Variants in MAP3K5 observed in about 807,000 individuals in gnomAD.
MAP3K5 encodes mitogen-activated protein kinase kinase kinase 5, also known as ASK-1.
Under a neutral mutation model 158.7 loss-of-function variants are expected in MAP3K5, and 56 were observed. That is an observed-to-expected ratio of 0.35 (90% CI 0.28 to 0.44). The LOEUF (loss-of-function observed/expected upper bound fraction) is 0.44, where lower values mean the gene tolerates loss of function less well. Among genes scored for constraint, MAP3K5 ranks in the 20% least tolerant of loss-of-function variants. The probability of loss-of-function intolerance (pLI) is 1.00; values close to 1 mark genes in which losing one functional copy is unlikely to be tolerated. For synonymous variants in MAP3K5, 579 were observed against 601.7 expected (o/e 0.96, Z 0.55); for missense variants, 1,294 against 1,674.8 (o/e 0.77, Z 3.97).
At chr6:136,699,274 T>C (rs1280980108) in intron 3 of MAP3K5, among the ~76,000 whole-genome samples, 1 of 152,194 alleles carries the variant, frequency 6.6e-6, no homozygotes, top group Non-Finnish European at 1.5e-5. Context: ...ATTTGTCCAT[T>C]TCCCTCCATC....
intron 10 of MAP3K5, among the ~76,000 whole-genome samples, chr6:136,655,812 G>A (rs1003470369): frequency 6.6e-6 from 1 of 152,138 alleles, no homozygotes; most frequent in Non-Finnish European, 1.5e-5. Flanking sequence ...GAAACTGCAA[G>A]TCATTTCCCA....
intron 21 of MAP3K5, among the ~76,000 whole-genome samples, chr6:136,599,690 C>T (rs1775792665): frequency 6.6e-6 from 1 of 152,126 alleles, no homozygotes; most frequent in African/African-American, 2.4e-5. Flanking sequence ...ATTCCCAGAA[C>T]CAAATCTGTG....
intron 1 of MAP3K5, among the ~76,000 whole-genome samples, chr6:136,763,822 T>C (rs1783854474): frequency 6.6e-6 from 1 of 152,090 alleles, no homozygotes; most frequent in Non-Finnish European, 1.5e-5. Flanking sequence ...CTCTCATGAA[T>C]GGATTAATCC....
At chr6:136,611,107 CAAAAAAAAAAA>C (rs59508317) in intron 18 of MAP3K5, among the ~76,000 whole-genome samples, 164 bp downstream of exon 18, 1 of 24,434 alleles carries the variant, frequency 4.1e-5, no homozygotes, top group Admixed American at 6.4e-4. Context: ...GACCCTGTCT[CAAAAAAAAAAA>C]AAAAAAAAAA....
chr6:136,614,853 A>G (rs960165511), intron 15 of MAP3K5, among the ~76,000 whole-genome samples: 2 of 152,202 alleles, frequency 1.3e-5, no homozygotes, highest in African/African-American at 2.4e-5. Context: ...TAGCAAACAT[A>G]AAACCACTCA....
chr6:136,629,941 G>T (rs911556397), intron 14 of MAP3K5, among the ~76,000 whole-genome samples: 1 of 151,702 alleles, frequency 6.6e-6, no homozygotes, highest in Non-Finnish European at 1.5e-5. Context: ...CAGTAGAGAT[G>T]GGGTTTCGCC....
In MAP3K5 at chr6:136,559,756, A is replaced by G. The variant is rs140081031; in HGVS notation, c.3988-880T>C. Among the ~76,000 whole-genome samples the G allele has an allele frequency of 3.0e-3, 450 of 152,264 alleles. 5 individuals carry two copies. Among genetic ancestry groups the G allele is most frequent in the African/African-American group, 0.01 (432 of 41,568 alleles). On this transcript the variant is annotated intron_variant, in intron 28 of 29. Transcript: ENST00000359015. ...ACTATATTGACCAGCCTAATCTCCA[A>G]CACGTGGCCTCAAGCAATCTGCCTA...
At chr6:136,631,521 T>C (rs1319778178) in intron 14 of MAP3K5, among the ~76,000 whole-genome samples, 2 of 146,968 alleles carry the variant, frequency 1.4e-5, no homozygotes, top group African/African-American at 5.1e-5. Context: ...TTTTTTTTCT[T>C]TTTTTTTTTT....
chr6:136,741,929 A>C (rs1334349829), intron 1 of MAP3K5, among the ~76,000 whole-genome samples: 1 of 152,222 alleles, frequency 6.6e-6, no homozygotes, highest in Non-Finnish European at 1.5e-5. Flanking sequence ...TTAGGTATAA[A>C]TCTCACCAAA....
At chr6:136,656,509 C>T (rs1216830659) in intron 9 of MAP3K5, 49 bp from the exon 10 acceptor site, 2 of 1,197,208 alleles carry the variant, frequency 1.7e-6, no homozygotes, top group Non-Finnish European at 2.4e-6. Context: ...TTAGAACCAC[C>T]TGTTCCCATG....
intron 1 of MAP3K5, among the ~76,000 whole-genome samples, chr6:136,736,197 G>A (rs1228380959): frequency 6.6e-6 from 1 of 152,010 alleles, no homozygotes; most frequent in East Asian, 1.9e-4. Flanking sequence ...TGAGCGCCTG[G>A]GAGCTCCACA....
At chr6:136,780,927 T>C (rs1784587848) in intron 1 of MAP3K5, among the ~76,000 whole-genome samples, 1 of 152,228 alleles carries the variant, frequency 6.6e-6, no homozygotes. Flanking sequence ...ATACACGTTA[T>C]ACATCTTTAT....
At chr6:136,774,050 T>C (rs1371724181) in intron 1 of MAP3K5, among the ~76,000 whole-genome samples, 1 of 152,222 alleles carries the variant, frequency 6.6e-6, no homozygotes, top group Non-Finnish European at 1.5e-5. Context: ...ATTTTTTCCA[T>C]GATTTATTAT....
At chr6:136,740,066 C>T (rs1562662193) in intron 1 of MAP3K5, among the ~76,000 whole-genome samples, 1 of 152,230 alleles carries the variant, frequency 6.6e-6, no homozygotes, top group Non-Finnish European at 1.5e-5. Context: ...TATTCTCAGA[C>T]ACAAGCTGCT....
In MAP3K5 at chr6:136,613,862, T is replaced by C. The variant is rs564250300; in HGVS notation, c.2278+297A>G. ...TGCCACCCTGTTAGTCTTCAGCTTA[T>C]ATAAGTGAAACATGAACTTCCTCAC... is the stretch of plus-strand genomic sequence containing the variant. On this transcript the variant is annotated intron_variant, in intron 16 of 29. Transcript: ENST00000359015. The surrounding 1 kb of genome is among the most constrained non-coding windows in gnomAD (Gnocchi z 4.0). Among the ~76,000 whole-genome samples, 166 of 152,334 alleles carry C rather than the reference T, an allele frequency of 1.1e-3. No individual in the cohort carries two copies. The highest frequency in any genetic ancestry group is 3.7e-3 in the African/African-American group (155 of 41,574).
rs116852255 is a variant in MAP3K5, at chr6:136,736,862, G to A, written c.449-16273C>T. On this transcript the variant is annotated intron_variant, in intron 1 of 29. Coordinates refer to ENST00000359015, the MANE Select transcript of MAP3K5 (RefSeq NM_005923.4). The stretch of plus-strand genomic sequence containing the variant: ...GTTAATGTTTTACATATTTTTTCTA[G>A]AGACAGTGTCTTGCTAATTGGCCCA... 2.1e-3 allele frequency among the ~76,000 whole-genome samples: 319 copies of A among 151,496 alleles called. 6 individuals are homozygous for A. In the South Asian group the frequency reaches 0.032, roughly 15 times the overall value.
At chr6:136,772,108 G>C (rs574116156) in intron 1 of MAP3K5, among the ~76,000 whole-genome samples, 5 of 144,052 alleles carry the variant, frequency 3.5e-5, no homozygotes, top group South Asian at 2.4e-4. Flanking sequence ...TGGGGGGGGG[G>C]GGTTTACCAT....
At position 136,583,501 on chromosome 6, in the gene MAP3K5, T is replaced by C. The variant is rs537200019; in HGVS notation, c.3411+54A>G. The C allele has an allele frequency of 6.8e-6, 10 of 1,461,094 alleles. No individual in the cohort carries two copies. The South Asian group carries it at 1.3e-4, about 19-fold the overall frequency. 90.5% of individuals were successfully genotyped at this position (1,461,094 alleles called of 1,614,324 possible). A position where few individuals can be genotyped will look rare whatever the true frequency, so the allele number is the denominator to read the frequency against. ...ATAACAGAACTTATGTTTTATCTTA[T>C]TTTTCTAACTAATTTTAGTGTGTGG... On this transcript the variant is annotated intron_variant, in intron 24 of 29. Coordinates refer to ENST00000359015, the MANE Select transcript of MAP3K5 (RefSeq NM_005923.4).
At chr6:136,684,312 C>T (rs1421246518) in intron 7 of MAP3K5, among the ~76,000 whole-genome samples, 3 of 151,832 alleles carry the variant, frequency 2.0e-5, no homozygotes, top group South Asian at 2.1e-4. Flanking sequence ...TGCACAGAAA[C>T]GTTGTGTGAA....
Sources: gnomAD v4.1 joint callset for allele counts (sites outside exome capture counted in the v4.1 genomes callset) on GRCh38, gnomAD v4.1.1 for gene constraint, Gnocchi (gnomAD v3.1) non-coding constraint, MANE v1.5 for transcripts, NCBI Gene and HGNC (gene_info 2026-07-23, HGNC 2026-07-21) for gene names.